The following KCNH5 variants were observed in gnomAD, a reference collection of about 807,000 sequenced individuals.
KCNH5 encodes the protein voltage-gated delayed rectifier potassium channel KCNH5.
KCNH5 carries 46 observed loss-of-function variants against 96.1 expected under a neutral mutation model. That is an observed-to-expected ratio of 0.48 (90% CI 0.38 to 0.61). The LOEUF is 0.61. Ranked by LOEUF, KCNH5 falls within the 20% of genes least tolerant of loss-of-function variation. KCNH5 has a pLI of 0.00. For missense variants in KCNH5, 907 were observed against 1,225.8 expected (o/e 0.74, Z 3.88); for synonymous variants, 439 against 449.8 (o/e 0.98, Z 0.30).
chr14:62,944,588 T>C (rs568788662), intron 7 of KCNH5, among the ~76,000 whole-genome samples: 1 of 152,284 alleles, frequency 6.6e-6, no homozygotes, highest in South Asian at 2.1e-4. Context: ...ATTTGTTTGT[T>C]TTCCTTGGTG....
chr14:62,738,180 G>A (rs1362478385), intron 10 of KCNH5, among the ~76,000 whole-genome samples: 3 of 152,272 alleles, frequency 2.0e-5, no homozygotes, highest in African/African-American at 2.4e-5. Context: ...TGTGCAGACA[G>A]TGTACACAGT....
rs575790676 is a variant in KCNH5, at chr14:62,760,937, A to T, written c.2019+18791T>A. On this transcript the variant is annotated intron_variant, in intron 10 of 10. Coordinates refer to ENST00000322893, the MANE Select transcript of KCNH5 (RefSeq NM_139318.5). ...ATTTGCAAAATGTATATAATGCTTTAAAGTCCTTTCTATCATATAGACAGT... is the reference window on the plus strand; with the variant it reads ...ATTTGCAAAATGTATATAATGCTTTTAAGTCCTTTCTATCATATAGACAGT... Among the ~76,000 whole-genome samples the T allele has an allele frequency of 2.0e-5, 3 of 152,382 alleles. No individual in the cohort carries two copies. In the South Asian group the frequency reaches 6.2e-4, roughly 32 times the overall value.
At chr14:62,975,325 T>C (rs1280683299) in intron 6 of KCNH5, among the ~76,000 whole-genome samples, 4 of 152,132 alleles carry the variant, frequency 2.6e-5, no homozygotes, top group Non-Finnish European at 5.9e-5. Flanking sequence ...AAGAAATATG[T>C]TCCAGAAAGG....
At chr14:62,912,282 TTGA>T (rs1175989079) in intron 7 of KCNH5, among the ~76,000 whole-genome samples, 9 of 152,168 alleles carry the variant, frequency 5.9e-5, no homozygotes, top group Non-Finnish European at 1.3e-4. Context: ...AGAAATTTGG[TTGA>T]TGACAACCAT....
At chr14:62,948,035 AT>A (rs1373807470) in intron 7 of KCNH5, among the ~76,000 whole-genome samples, 11 of 151,276 alleles carry the variant, frequency 7.3e-5, no homozygotes, top group African/African-American at 2.7e-4. Context: ...TGTCCATGTA[AT>A]CTCATTGTTC....
At chr14:63,018,245 T>C (rs1891362620) in intron 1 of KCNH5, among the ~76,000 whole-genome samples, 1 of 151,748 alleles carries the variant, frequency 6.6e-6, no homozygotes. Context: ...GGGAAGTTCA[T>C]GGTGTGAAAG....
chr14:62,801,376 T>TA (rs34625867), intron 9 of KCNH5, among the ~76,000 whole-genome samples: 97 of 138,450 alleles, frequency 7.0e-4, no homozygotes, highest in African/African-American at 6.7e-4. Flanking sequence ...TTTTACCTGG[T>TA]AAAAAAAAAA....
chr14:62,718,508 A>C (rs543614778), intron 10 of KCNH5, among the ~76,000 whole-genome samples: 165 of 152,372 alleles, frequency 1.1e-3, no homozygotes, highest in Non-Finnish European at 1.9e-3. Flanking sequence ...AACTACAATA[A>C]GCTATCATTT....
At chr14:62,996,544 T>A (rs1414507682) in intron 4 of KCNH5, among the ~76,000 whole-genome samples, 1 of 152,226 alleles carries the variant, frequency 6.6e-6, no homozygotes, top group Non-Finnish European at 1.5e-5. Context: ...TATCATTTTG[T>A]ATAAAAATGA....
chr14:62,722,464 AG>A (rs550527236), intron 10 of KCNH5, among the ~76,000 whole-genome samples: 356 of 152,304 alleles, frequency 2.3e-3, no homozygotes, highest in Admixed American at 3.1e-3. Flanking sequence ...GTGACAAAGC[AG>A]GGTTTCTAAC....
chr14:63,041,863 G>A (rs1891830764), intron 1 of KCNH5, among the ~76,000 whole-genome samples: 1 of 152,114 alleles, frequency 6.6e-6, no homozygotes, highest in South Asian at 2.1e-4. Flanking sequence ...GGTTATAGTT[G>A]CCACTCTGGA....
At chr14:62,804,996 C>A (rs1214577861) in intron 8 of KCNH5, among the ~76,000 whole-genome samples, 1 of 152,154 alleles carries the variant, frequency 6.6e-6, no homozygotes, top group Non-Finnish European at 1.5e-5. Context: ...TATTTCAGCA[C>A]AAACCTGAAG....
chr14:62,874,373 C>T (rs1175050473), intron 7 of KCNH5, among the ~76,000 whole-genome samples: 2 of 152,146 alleles, frequency 1.3e-5, no homozygotes, highest in African/African-American at 4.8e-5. Flanking sequence ...AAAAGCTCAA[C>T]ATCACTGATC....
At chr14:62,883,804 T>G (rs1888540509) in intron 7 of KCNH5, among the ~76,000 whole-genome samples, 2 of 151,858 alleles carry the variant, frequency 1.3e-5, no homozygotes, top group Admixed American at 6.6e-5. Flanking sequence ...TAATGAATAA[T>G]AAGAAGTGGC....
chr14:62,839,037 C>A (rs1887522071), intron 8 of KCNH5, among the ~76,000 whole-genome samples: 1 of 152,060 alleles, frequency 6.6e-6, no homozygotes, highest in South Asian at 2.1e-4. Context: ...ACCCCTTATT[C>A]TCAGTGTTTA....
chr14:62,850,656 G>C (rs562713958), intron 7 of KCNH5, among the ~76,000 whole-genome samples: 2 of 152,218 alleles, frequency 1.3e-5, no homozygotes, highest in South Asian at 2.1e-4. Flanking sequence ...TCCAGACCTA[G>C]TCAGGCTATT....
intron 7 of KCNH5, among the ~76,000 whole-genome samples, chr14:62,891,765 A>G (rs572178928): frequency 6.6e-6 from 1 of 152,234 alleles, no homozygotes; most frequent in South Asian, 2.1e-4. Context: ...AATTCTCACA[A>G]TATTTCAAAT....
At chr14:62,733,835 C>G (rs1885101110) in intron 10 of KCNH5, among the ~76,000 whole-genome samples, 1 of 152,128 alleles carries the variant, frequency 6.6e-6, no homozygotes, top group Non-Finnish European at 1.5e-5. Context: ...TCTCTATCAT[C>G]CCTTCAAACA....
chr14:62,982,088 T>TA (rs1292538869), intron 5 of KCNH5, among the ~76,000 whole-genome samples: 2 of 152,042 alleles, frequency 1.3e-5, no homozygotes, highest in Non-Finnish European at 2.9e-5. Flanking sequence ...CTGGGAATTA[T>TA]AAAAAACAGT....
Sources: allele counts gnomAD v4.1 joint callset (sites outside exome capture counted in the v4.1 genomes callset), GRCh38; gene constraint gnomAD v4.1.1; transcripts MANE v1.5; gene names NCBI Gene and HGNC (gene_info 2026-07-23, HGNC 2026-07-21).